Variants in HAVCR1 observed in about 807,000 individuals in gnomAD.
HAVCR1 encodes hepatitis A virus cellular receptor 1.
HAVCR1 carries 34 observed loss-of-function variants against 32.0 expected under a neutral mutation model. The ratio of observed to expected loss-of-function variants is 1.06; its 90% CI spans 0.81 to 1.42. The LOEUF (loss-of-function observed/expected upper bound fraction) is 1.42. Among genes scored for constraint, HAVCR1 ranks in the 40% most tolerant of loss-of-function variants. The pLI, the probability that HAVCR1 is intolerant of heterozygous loss-of-function variation, is 0.00. For synonymous variants in HAVCR1, 178 were observed against 170.3 expected, an observed-to-expected ratio of 1.05 and a Z score of -0.35; for missense variants, 420 against 442.3, an observed-to-expected ratio of 0.95 and a Z score of 0.45.
chr5:157,066,506 C>CAAAA, the HAVCR1 span, among the ~76,000 whole-genome samples: 1 of 130,472 alleles, frequency 7.7e-6, no homozygotes, highest in Non-Finnish European at 1.6e-5. Flanking sequence ...CCCCATCTTC[C>CAAAA]AAAAAAAAAA....
intron 8 of HAVCR1, among the ~76,000 whole-genome samples, chr5:157,031,908 C>A (rs1038853265): frequency 2.6e-5 from 4 of 151,888 alleles, no homozygotes; most frequent in Admixed American, 2.0e-4. Flanking sequence ...GTGGAGCAGG[C>A]TGGGTAGGGA....
chr5:157,036,974 C>A (rs763719810), intron 7 of HAVCR1, among the ~76,000 whole-genome samples: 1 of 152,026 alleles, frequency 6.6e-6, no homozygotes, highest in African/African-American at 2.4e-5. Flanking sequence ...AATCCTCCTG[C>A]CTCACTCAGC....
chr5:157,052,731 G>A, intron 3 of HAVCR1, 77 bp from the exon 4 acceptor site: 1 of 1,190,006 alleles, frequency 8.4e-7, no homozygotes, highest in East Asian at 2.3e-5. Flanking sequence ...CTGTACCCTA[G>A]CACACCAATG....
At position 157,050,959 on chromosome 5, in the gene HAVCR1, G is replaced by A. The variant is rs547696542; in HGVS notation, c.673+1402C>T. On this transcript the variant is annotated intron_variant, in intron 4 of 8. Transcript: ENST00000523175. The stretch of plus-strand genomic sequence containing the variant: ...CAGATTTTTCCAGCTAAGAGGCTGC[G>A]ACATTTGTTACTCCTCAGAATCCAG... 3.3e-5 allele frequency among the ~76,000 whole-genome samples: 5 copies of A among 152,216 alleles called. No homozygotes were observed. The East Asian group carries it at 5.8e-4, about 18-fold the overall frequency.
chr5:157,049,519 G>A (rs1755618092), intron 4 of HAVCR1, among the ~76,000 whole-genome samples: 1 of 152,150 alleles, frequency 6.6e-6, no homozygotes, highest in African/African-American at 2.4e-5. Flanking sequence ...ACCCAATTAA[G>A]CTTTATTTTA....
chr5:157,050,489 T>C (rs1755674938), intron 4 of HAVCR1, among the ~76,000 whole-genome samples: 1 of 152,288 alleles, frequency 6.6e-6, no homozygotes, highest in Non-Finnish European at 1.5e-5. Context: ...GGTTCTCTCA[T>C]TCCTGGACTG....
In HAVCR1 at chr5:157,032,469, G is replaced by A. The variant is rs113062774; in HGVS notation, c.986+385C>T. ...GGAGGTGGAGGTTGTGGTGAGCCGA[G>A]AAGGTGCCATTGCACTCCAGCCAGG... On this transcript the variant is annotated intron_variant, in intron 8 of 8. Coordinates refer to ENST00000523175, the MANE Select transcript of HAVCR1 (RefSeq NM_001173393.3). 8.5e-3 allele frequency among the ~76,000 whole-genome samples: 1,289 copies of A among 152,350 alleles called. 17 individuals are homozygous for A. The highest frequency in any genetic ancestry group is 0.028 in the African/African-American group (1,184 of 41,580).
At chr5:157,031,745 A>T (rs1449497519) in intron 8 of HAVCR1, among the ~76,000 whole-genome samples, 1 of 147,004 alleles carries the variant, frequency 6.8e-6, no homozygotes, top group African/African-American at 2.6e-5. Flanking sequence ...GCTTGAATCC[A>T]GGAGGTGGAG....
intron 8 of HAVCR1, among the ~76,000 whole-genome samples, chr5:157,031,636 A>G (rs757218767): frequency 1.3e-5 from 2 of 152,002 alleles, no homozygotes; most frequent in Non-Finnish European, 2.9e-5. Flanking sequence ...CCAGCCTAAC[A>G]TGGCAGAACC....
intron 8 of HAVCR1, 133 bp from the exon 9 acceptor site, chr5:157,029,974 G>A (rs1754076804): frequency 1.5e-6 from 1 of 651,370 alleles, no homozygotes; most frequent in South Asian, 2.0e-5. Flanking sequence ...TTCACACAAA[G>A]TATAAAATAA....
intron 4 of HAVCR1, among the ~76,000 whole-genome samples, chr5:157,050,378 C>A (rs1194506750): frequency 6.6e-6 from 1 of 152,128 alleles, no homozygotes. Context: ...ACCATACATA[C>A]AATTGTTCCC....
In HAVCR1 at chr5:157,036,512, T is replaced by C. The variant is rs1272171305; in HGVS notation, c.952+735A>G. ...TTCTTATAGAATTAAATTTTTTCCATAGGGGAATAATAATTGAAAAATAAC... is the reference window on the plus strand; with the variant it reads ...TTCTTATAGAATTAAATTTTTTCCACAGGGGAATAATAATTGAAAAATAAC... On this transcript the variant is annotated intron_variant, in intron 7 of 8. Coordinates refer to ENST00000523175, the MANE Select transcript of HAVCR1 (RefSeq NM_001173393.3). Among the ~76,000 whole-genome samples, 3 of 152,142 alleles carry C rather than the reference T, an allele frequency of 2.0e-5. No homozygotes were observed. In the East Asian group the frequency reaches 5.8e-4, roughly 29 times the overall value.
chr5:157,057,362 A>AAGAGAGAGAGAG lies in HAVCR1; in HGVS notation c.46+524_46+535dup, dbSNP rs140801641. ...CTGCACTCCAGAGTGAGACCTCATGAAGAGAGAGAGAGAGAGAGAGAGAGG... is the reference window on the plus strand; with the variant it reads ...CTGCACTCCAGAGTGAGACCTCATGAAGAGAGAGAGAGAGAGAGAGAGAGAGAGAGAGAGAGG... On this transcript the variant is annotated intron_variant, in intron 2 of 8. Transcript: ENST00000523175. 3.9e-3 allele frequency among the ~76,000 whole-genome samples: 507 copies of AAGAGAGAGAGAG among 130,044 alleles called. 12 individuals carry two copies. The highest frequency in any genetic ancestry group is 0.016 in the African/African-American group (481 of 29,956). The allele number at this position is 130,044 out of a possible 152,430, so 85.3% of individuals were successfully genotyped here. A position where few individuals can be genotyped will look rare whatever the true frequency, so the allele number is the denominator to read the frequency against.
At chr5:157,046,648 G>A (rs529210339) in intron 5 of HAVCR1, among the ~76,000 whole-genome samples, 85 of 152,268 alleles carry the variant, frequency 5.6e-4, no homozygotes, top group African/African-American at 1.9e-3. Context: ...CACAGTTCGA[G>A]GCTGGGTAGT....
chr5:157,056,546 AT>A (rs532314047), intron 2 of HAVCR1, among the ~76,000 whole-genome samples: 16 of 151,154 alleles, frequency 1.1e-4, no homozygotes, highest in South Asian at 2.1e-4. Context: ...CGCCCGGCTA[AT>A]TTTTTTGTAT....
At position 157,045,161 on chromosome 5, in the gene HAVCR1, A is replaced by G. The variant is rs866521779; in HGVS notation, c.782-2479T>C. 5.3e-5 allele frequency among the ~76,000 whole-genome samples: 8 copies of G among 152,334 alleles called. No homozygotes were observed. In the South Asian group the frequency reaches 8.3e-4, roughly 16 times the overall value. ...AACGATATTAACAGCAATAAATAATATAATAGAAAAATTATAGAAATAAAC... is the reference window on the plus strand; with the variant it reads ...AACGATATTAACAGCAATAAATAATGTAATAGAAAAATTATAGAAATAAAC... On this transcript the variant is annotated intron_variant, in intron 5 of 8. Coordinates refer to ENST00000523175, the MANE Select transcript of HAVCR1 (RefSeq NM_001173393.3).
chr5:157,047,342 A>G (rs923704313), intron 5 of HAVCR1, among the ~76,000 whole-genome samples: 10 of 152,198 alleles, frequency 6.6e-5, no homozygotes, highest in African/African-American at 2.2e-4. Flanking sequence ...ACCTGAGGTC[A>G]GGAGTTCAAG....
chr5:157,063,186 T>C (rs1756526533), upstream of HAVCR1, among the ~76,000 whole-genome samples: 1 of 151,626 alleles, frequency 6.6e-6, no homozygotes, highest in Admixed American at 6.6e-5. Flanking sequence ...GTGTACTCAT[T>C]TAACAATTAT....
intron 8 of HAVCR1, among the ~76,000 whole-genome samples, chr5:157,032,395 G>A (rs768951479): frequency 2.2e-4 from 34 of 152,258 alleles, no homozygotes; most frequent in Admixed American, 3.3e-4. Flanking sequence ...GCACATGTCT[G>A]TAATCCCAGC....
Sources: gnomAD v4.1 joint callset for allele counts (sites outside exome capture counted in the v4.1 genomes callset) on GRCh38, gnomAD v4.1.1 for gene constraint, MANE v1.5 for transcripts, NCBI Gene and HGNC (gene_info 2026-07-23, HGNC 2026-07-21) for gene names.